NFAT5: variants seen among roughly 807,000 people sequenced by gnomAD.
NFAT5 encodes the protein nuclear factor of activated T-cells 5.
NFAT5 carries 31 observed loss-of-function variants against 166.5 expected under a neutral mutation model. The observed-to-expected ratio is 0.19, with a 90% confidence interval of 0.14 to 0.25. The LOEUF (loss-of-function observed/expected upper bound fraction) is 0.25, where lower values mean the gene tolerates loss of function less well. Among genes scored for constraint, NFAT5 ranks in the 10% least tolerant of loss-of-function variants. The pLI is 1.00. For synonymous variants in NFAT5, 612 were observed against 639.7 expected (o/e 0.96, Z 0.65); for missense variants, 1,449 against 1,821.8 (o/e 0.80, Z 3.72).
At chr16:69,690,835 CA>C (rs1335266748) in intron 11 of NFAT5, 104 bp from the exon 12 acceptor site, 12 of 960,520 alleles carry the variant, frequency 1.2e-5, no homozygotes, top group Admixed American at 2.9e-5. Context: ...ATTGTAGCAT[CA>C]AAAAAATAGA....
At chr16:69,610,274 AT>A (rs1305021065) in intron 2 of NFAT5, among the ~76,000 whole-genome samples, 5 of 152,094 alleles carry the variant, frequency 3.3e-5, no homozygotes, top group Non-Finnish European at 7.4e-5. Context: ...GAAAGATAAC[AT>A]TTTTAGTTCA....
At chr16:69,597,918 TAACTAAG>T (rs1457763045) in intron 2 of NFAT5, among the ~76,000 whole-genome samples, 1 of 152,084 alleles carries the variant, frequency 6.6e-6, no homozygotes, top group Non-Finnish European at 1.5e-5. Flanking sequence ...AGAGGGTAGA[TAACTAAG>T]TGAGGATTAC....
intron 3 of NFAT5, among the ~76,000 whole-genome samples, chr16:69,633,498 C>T (rs943339311): frequency 6.6e-6 from 1 of 152,090 alleles, no homozygotes; most frequent in African/African-American, 2.4e-5. Flanking sequence ...TGGAATTCAG[C>T]CATAAAAAAG....
intron 2 of NFAT5, among the ~76,000 whole-genome samples, chr16:69,605,442 A>G (rs117611082): frequency 1.7e-3 from 255 of 152,344 alleles, no homozygotes; most frequent in Non-Finnish European, 2.9e-3. Flanking sequence ...TGTCTCAAAA[A>G]GAAAATAGAA....
rs751381954 is a variant in NFAT5, at chr16:69,626,521, T to C, written c.246T>C (p.Val82=). Residue 82 remains valine, a synonymous_variant, in exon 3 of 15, where the codon GTT becomes GTC. Coordinates refer to ENST00000349945, the MANE Select transcript of NFAT5 (RefSeq NM_138713.4). ...CAGGCTCGCCTCCTCCAGCTGTTGT[T>C]GCTGCTGGTATGCATTTCATTTTAC... is the stretch of plus-strand genomic sequence containing the variant. ...GEAGSPPPAV[V]AADASSAPSS... The C allele has an allele frequency of 6.4e-7, 1 of 1,561,896 alleles. No homozygotes were observed. Among genetic ancestry groups the C allele is most frequent in the Admixed American group, 2.0e-5 (1 of 49,244 alleles).
At chr16:69,688,066 G>A (rs2037382625) in intron 11 of NFAT5, among the ~76,000 whole-genome samples, 1 of 150,814 alleles carries the variant, frequency 6.6e-6, no homozygotes, top group South Asian at 2.1e-4. Flanking sequence ...CGCGGTGGCG[G>A]GCGCCTGTAG....
At chr16:69,682,489 A>T (rs552014106) in intron 10 of NFAT5, among the ~76,000 whole-genome samples, 3 of 150,946 alleles carry the variant, frequency 2.0e-5, no homozygotes, top group Non-Finnish European at 4.4e-5. Context: ...GCTTGGTGGC[A>T]TGCACCTGTA....
At chr16:69,694,295 G>A in intron 13 of NFAT5, 56 bp downstream of exon 13, 1 of 1,371,982 alleles carries the variant, frequency 7.3e-7, no homozygotes, top group Non-Finnish European at 1.0e-6. Flanking sequence ...TTAGAAGGAA[G>A]CAGAGTGCAG....
intron 2 of NFAT5, among the ~76,000 whole-genome samples, chr16:69,610,459 C>G (rs1475283757): frequency 6.6e-6 from 1 of 152,038 alleles, no homozygotes; most frequent in African/African-American, 2.4e-5. Context: ...CTTATTCATT[C>G]ATTTGTTTAT....
At chr16:69,612,282 C>T (rs145319343) in intron 2 of NFAT5, among the ~76,000 whole-genome samples, 1 of 152,144 alleles carries the variant, frequency 6.6e-6, no homozygotes, top group East Asian at 1.9e-4. Context: ...GGTTTTCAAC[C>T]CATTTGGAGA....
At chr16:69,624,113 A>G (rs1488221638) in intron 2 of NFAT5, among the ~76,000 whole-genome samples, 2 of 152,310 alleles carry the variant, frequency 1.3e-5, no homozygotes, top group East Asian at 3.9e-4. Flanking sequence ...GGCATATTAT[A>G]TTCTGACAGA....
intron 2 of NFAT5, among the ~76,000 whole-genome samples, chr16:69,598,614 A>G (rs867676423): frequency 1.4e-4 from 21 of 152,206 alleles, no homozygotes; most frequent in African/African-American, 4.1e-4. Context: ...AACACCTGCT[A>G]TGCAACAAGC....
At position 69,702,247 on chromosome 16, in the gene NFAT5, T is replaced by C. The variant is rs2037910337; in HGVS notation, c.*5896T>C. The C allele has an allele frequency of 6.6e-6, 1 of 152,652 alleles. No individual in the cohort carries two copies. Among genetic ancestry groups the C allele is most frequent in the African/African-American group, 2.4e-5 (1 of 41,456 alleles). 9.5% of individuals were successfully genotyped at this position (152,652 alleles called of 1,614,324 possible). On this transcript the variant is annotated 3_prime_UTR_variant, in exon 15 of 15. Coordinates refer to ENST00000349945, the MANE Select transcript of NFAT5 (RefSeq NM_138713.4). ...GAATTCATCTTAACTATTTAGAATG[T>C]TATGTCCCTTTTCTTTTGGATAGCC...
At chr16:69,678,274 G>A (rs1295946385) in intron 10 of NFAT5, among the ~76,000 whole-genome samples, 2 of 151,676 alleles carry the variant, frequency 1.3e-5, no homozygotes, top group African/African-American at 4.8e-5. Flanking sequence ...GAGTGCAATG[G>A]CGCGATCTTG....
intron 2 of NFAT5, among the ~76,000 whole-genome samples, chr16:69,596,979 C>T (rs926589989): frequency 2.6e-5 from 4 of 151,978 alleles, no homozygotes; most frequent in African/African-American, 9.7e-5. Context: ...GCCAGGGGAT[C>T]AGGAAGGGCT....
intron 2 of NFAT5, among the ~76,000 whole-genome samples, chr16:69,575,110 A>G (rs1395097263): frequency 6.6e-6 from 1 of 152,188 alleles, no homozygotes. Context: ...TTTAGTTTTG[A>G]AGATGAGAGA....
intron 2 of NFAT5, among the ~76,000 whole-genome samples, chr16:69,586,051 CAAG>C (rs1478460768): frequency 1.5e-5 from 2 of 135,660 alleles, no homozygotes; most frequent in African/African-American, 2.6e-5. Context: ...TTTCAAAAAA[CAAG>C]AAATTTTTAA....
intron 2 of NFAT5, among the ~76,000 whole-genome samples, chr16:69,588,275 A>G (rs746769267): frequency 1.3e-5 from 2 of 152,144 alleles, no homozygotes; most frequent in Non-Finnish European, 2.9e-5. Flanking sequence ...TCACCAAGTA[A>G]TAATTTCCTG....
chr16:69,577,618 G>C (rs2016831803), intron 2 of NFAT5, among the ~76,000 whole-genome samples: 1 of 152,152 alleles, frequency 6.6e-6, no homozygotes, highest in Non-Finnish European at 1.5e-5. Flanking sequence ...AAGCAGATCA[G>C]TAGTTGCCTG....
Sources: allele counts gnomAD v4.1 joint callset (sites outside exome capture counted in the v4.1 genomes callset), GRCh38; gene constraint gnomAD v4.1.1; transcripts MANE v1.5; gene names NCBI Gene and HGNC (gene_info 2026-07-23, HGNC 2026-07-21).